BAG2: variants seen among roughly 807,000 people sequenced by gnomAD.
BAG2 encodes BAG cochaperone 2, also known as BAG family molecular chaperone regulator 2.
In BAG2, 8 loss-of-function variants were observed where a neutral mutation model predicts 16.4. The ratio of observed to expected loss-of-function variants is 0.49; its 90% CI spans 0.29 to 0.88. The LOEUF (loss-of-function observed/expected upper bound fraction) is 0.88. BAG2 is among the 40% of genes least tolerant of loss of function. BAG2 has a pLI of 0.09. For missense variants in BAG2, 218 were observed against 248.9 expected, an observed-to-expected ratio of 0.88 and a Z score of 0.84; for synonymous variants, 82 against 89.2, an observed-to-expected ratio of 0.92 and a Z score of 0.46.
rs780308689 is a variant in BAG2, at chr6:57,188,791, T to TTAA, written c.*4603_*4605dup. The TTAA allele has an allele frequency of 8.5e-5, 13 of 152,312 alleles. No homozygotes were observed. The highest frequency in any genetic ancestry group is 2.1e-4 in the South Asian group (1 of 4,828). The allele number at this position is 152,312 out of a possible 1,614,324, so 9.4% of individuals were successfully genotyped here. ...ATAATGAAAAGCAAAAATTTACTTT[T>TTAA]TAATTTTTTTTATTTTTCCATCTAA... is the stretch of plus-strand genomic sequence containing the variant. On this transcript the variant is annotated 3_prime_UTR_variant, in exon 3 of 3. Coordinates refer to ENST00000370693, the MANE Select transcript of BAG2 (RefSeq NM_004282.4).
chr6:57,182,807 C>G (rs979422761), intron 2 of BAG2, among the ~76,000 whole-genome samples: 1 of 152,014 alleles, frequency 6.6e-6, no homozygotes, highest in Non-Finnish European at 1.5e-5. Context: ...CGTGCCACCA[C>G]GCCTGGCTAA....
At position 57,183,992 on chromosome 6, in the gene BAG2, G is replaced by A. The variant is rs978025395; in HGVS notation, c.438G>A (p.Val146=). The change falls in exon 3 of 3, where the codon GTG becomes GTA. Residue 146 remains valine (V), a synonymous_variant. Coordinates refer to ENST00000370693, the MANE Select transcript of BAG2 (RefSeq NM_004282.4). The part of the protein sequence containing the change: ...MSLYSACSSE[V]PHGPVDQKFQ... Reference sequence around the variant, plus strand: ...TCTACAGTGCATGTTCATCTGAGGTGCCACATGGGCCAGTTGATCAGAAGT... The same window carrying A: ...TCTACAGTGCATGTTCATCTGAGGTACCACATGGGCCAGTTGATCAGAAGT... 1 of 1,612,602 alleles carries A rather than the reference G, an allele frequency of 6.2e-7. No individual in the cohort carries two copies. Among genetic ancestry groups the A allele is most frequent in the Non-Finnish European group, 8.5e-7 (1 of 1,179,614 alleles).
rs1056934246 is a variant in BAG2 at position 57,188,281 on chromosome 6, C to CTAAT, written c.*4094_*4097dup. The CTAAT allele has an allele frequency of 3.9e-4, 60 of 152,036 alleles. No individual in the cohort carries two copies. Among genetic ancestry groups the CTAAT allele is most frequent in the African/African-American group, 1.4e-3 (59 of 41,490 alleles). The allele number at this position is 152,036 out of a possible 1,614,324, so 9.4% of individuals were successfully genotyped here. ...AGGCCTACTTAATTATTTTAAATGA[C>CTAAT]TAATTATGGTTAGGTTTAAAATACA... On this transcript the variant is annotated 3_prime_UTR_variant, in exon 3 of 3. Coordinates refer to ENST00000370693, the MANE Select transcript of BAG2 (RefSeq NM_004282.4).
chr6:57,183,628 A>G lies in BAG2; in HGVS notation c.224-150A>G, dbSNP rs1466425362. On this transcript the variant is annotated intron_variant, in intron 2 of 2. Transcript: ENST00000370693. The stretch of plus-strand genomic sequence containing the variant: ...ACAACCTCTTTCTGTAATCTAATAC[A>G]TTTCATCAGTTAATCTTACATGCTA... 1.1e-5 allele frequency: 7 copies of G among 610,232 alleles called. No homozygotes were observed. The Admixed American group carries it at 1.7e-4, about 15-fold the overall frequency. The allele number at this position is 610,232 out of a possible 1,614,324, so 37.8% of individuals were successfully genotyped here.
chr6:57,182,247 CCA>C (rs1434119157), intron 2 of BAG2, 106 bp downstream of exon 2: 2 of 802,092 alleles, frequency 2.5e-6, no homozygotes, highest in African/African-American at 3.4e-5. Flanking sequence ...GTACACCAGG[CCA>C]CAGCATTTAA....
At chr6:57,173,917 G>A (rs537544912) in intron 1 of BAG2, 1 of 154,660 alleles carries the variant, frequency 6.5e-6, no homozygotes, top group African/African-American at 2.4e-5. Flanking sequence ...CAATAACCAC[G>A]GTATCTCTTA....
In BAG2 at chr6:57,172,549, C is replaced by G; in HGVS notation, c.-149C>G. ...TTTGGCTACGCTGCAGCCGCGGTGT[C>G]GGCGAGTCCTCCCGGGTTGCCCCCG... On this transcript the variant is annotated 5_prime_UTR_variant, in exon 1 of 3. Transcript: ENST00000370693. 2 of 579,334 alleles carry G rather than the reference C, an allele frequency of 3.5e-6. No individual in the cohort carries two copies. Among genetic ancestry groups the G allele is most frequent in the South Asian group, 3.5e-5 (1 of 28,586 alleles). 35.9% of individuals were successfully genotyped at this position (579,334 alleles called of 1,614,324 possible).
Position 57,187,226 on chromosome 6 carries a change from T to C in BAG2, c.*3036T>C, listed in dbSNP as rs1764635483. On this transcript the variant is annotated 3_prime_UTR_variant, in exon 3 of 3. Coordinates refer to ENST00000370693, the MANE Select transcript of BAG2 (RefSeq NM_004282.4). ...GCTTTTAAAAGACCATTTACTAACA[T>C]CCTACTGTAGATATTTCGAGAGACA... 1 of 152,144 alleles carries C rather than the reference T, an allele frequency of 6.6e-6. No homozygotes were observed. The highest frequency in any genetic ancestry group is 2.1e-4 in the South Asian group (1 of 4,832). The allele number at this position is 152,144 out of a possible 1,614,324, so 9.4% of individuals were successfully genotyped here.
intron 1 of BAG2, among the ~76,000 whole-genome samples, chr6:57,178,765 TAAAAA>T (rs71795171): frequency 0.12 from 17,463 of 149,812 alleles, 1,191 homozygotes; most frequent in African/African-American, 0.18. Flanking sequence ...TATTATGTAT[TAAAAA>T]AAGCCTTGTG....
At chr6:57,182,182 C>G in intron 2 of BAG2, 41 bp downstream of exon 2, 1 of 1,553,842 alleles carries the variant, frequency 6.4e-7, no homozygotes. Flanking sequence ...CTTTTACACT[C>G]CTTTAAAGAG....
intron 2 of BAG2, among the ~76,000 whole-genome samples, chr6:57,183,189 G>A (rs961443009): frequency 2.6e-5 from 4 of 152,224 alleles, no homozygotes; most frequent in African/African-American, 9.6e-5. Context: ...GAATTAGGAA[G>A]TTACAGAAGC....
chr6:57,186,575 C>CAAAGT lies in BAG2; in HGVS notation c.*2387_*2391dup, dbSNP rs1275193955. 2 of 152,226 alleles carry CAAAGT rather than the reference C, an allele frequency of 1.3e-5. No homozygotes were observed. Among genetic ancestry groups the CAAAGT allele is most frequent in the Non-Finnish European group, 2.9e-5 (2 of 68,076 alleles). The allele number at this position is 152,226 out of a possible 1,614,324, so 9.4% of individuals were successfully genotyped here. On this transcript the variant is annotated 3_prime_UTR_variant, in exon 3 of 3. Transcript: ENST00000370693. ...TTGTGATCTGCCTGCCTTGGCCTCC[C>CAAAGT]AAAGTACAGGGATTACAGGCATGAG... is the stretch of plus-strand genomic sequence containing the variant.
chr6:57,179,739 C>T (rs570164175), intron 1 of BAG2, among the ~76,000 whole-genome samples: 1 of 152,072 alleles, frequency 6.6e-6, no homozygotes, highest in South Asian at 2.1e-4. Flanking sequence ...TTATTTTGCC[C>T]TTATTCCACA....
intron 1 of BAG2, 176 bp downstream of exon 1, chr6:57,172,986 T>A: frequency 1.5e-6 from 1 of 689,648 alleles, no homozygotes; most frequent in African/African-American, 1.9e-5. Flanking sequence ...TTTGTTTGTT[T>A]CTTGGATTAT....
chr6:57,188,531 A>AAAAG lies in BAG2; in HGVS notation c.*4343_*4346dup, dbSNP rs1764700947. 1 of 152,298 alleles carries AAAAG rather than the reference A, an allele frequency of 6.6e-6. No individual in the cohort carries two copies. The highest frequency in any genetic ancestry group is 1.5e-5 in the Non-Finnish European group (1 of 68,002). The allele number at this position is 152,298 out of a possible 1,614,324, so 9.4% of individuals were successfully genotyped here. A position where few individuals can be genotyped will look rare whatever the true frequency, so the allele number is the denominator to read the frequency against. On this transcript the variant is annotated 3_prime_UTR_variant, in exon 3 of 3. Transcript: ENST00000370693. ...AAGTGATTTTTCTGCCAATAAAGAC[A>AAAAG]AAAGACTATTTGTTGCAAAGTATTA...
In BAG2 at chr6:57,188,735, T is replaced by C. The variant is rs1451122160; in HGVS notation, c.*4545T>C. ...CATAAAAATAAGCATTTTACATTAC[T>C]GTGAAATAGATAATGCCAGATCATT... On this transcript the variant is annotated 3_prime_UTR_variant, in exon 3 of 3. Transcript: ENST00000370693. The C allele has an allele frequency of 6.6e-6, 1 of 152,206 alleles. No individual in the cohort carries two copies. Among genetic ancestry groups the C allele is most frequent in the African/African-American group, 2.4e-5 (1 of 41,466 alleles). The allele number at this position is 152,206 out of a possible 1,614,324, so 9.4% of individuals were successfully genotyped here. A position where few individuals can be genotyped will look rare whatever the true frequency, so the allele number is the denominator to read the frequency against.
At position 57,172,716 on chromosome 6, in the gene BAG2, A is replaced by T. The variant is rs777608616; in HGVS notation, c.19A>T (p.Asn7Tyr). Reference protein sequence around the residue: MAQAKINAKANEGRFCR... With the variant: MAQAKIYAKANEGRFCR... ...GGCTTAGATGGCTCAGGCGAAGATC[A>T]ACGCTAAAGCCAACGAGGGGCGCTT... Residue 7 changes from asparagine to tyrosine, a missense_variant, in exon 1 of 3, where the codon AAC (asparagine) becomes TAC (tyrosine). This residue lies in a region of BAG2 where 75 missense variants were observed against 63.1 expected (regional missense o/e 1.19). Coordinates refer to ENST00000370693, the MANE Select transcript of BAG2 (RefSeq NM_004282.4). 9 of 1,574,504 alleles carry T rather than the reference A, an allele frequency of 5.7e-6. No homozygotes were observed. Among genetic ancestry groups the T allele is most frequent in the Non-Finnish European group, 7.7e-6 (9 of 1,163,362 alleles).
rs1407857299 is a variant in BAG2, at chr6:57,184,319, A to G, written c.*129A>G. 4.9e-6 allele frequency: 4 copies of G among 819,854 alleles called. No individual in the cohort carries two copies. The highest frequency in any genetic ancestry group is 6.8e-6 in the Non-Finnish European group (4 of 588,564). The allele number at this position is 819,854 out of a possible 1,614,324, so 50.8% of individuals were successfully genotyped here. On this transcript the variant is annotated 3_prime_UTR_variant, in exon 3 of 3. Transcript: ENST00000370693. Reference sequence around the variant, plus strand: ...CACTGATAGTTGTTTCAGATGAGGAAAATATTCCATCAAGTATCTTCAGTT... The same window carrying G: ...CACTGATAGTTGTTTCAGATGAGGAGAATATTCCATCAAGTATCTTCAGTT...
chr6:57,188,649 A>C lies in BAG2; in HGVS notation c.*4459A>C, dbSNP rs1209736785. The C allele has an allele frequency of 1.3e-5, 2 of 152,192 alleles. No homozygotes were observed. The highest frequency in any genetic ancestry group is 1.3e-4 in the Admixed American group (2 of 15,276). 9.4% of individuals were successfully genotyped at this position (152,192 alleles called of 1,614,324 possible). The stretch of plus-strand genomic sequence containing the variant: ...TAGCAGTATCCACTGTTTGTTAGGA[A>C]CTGAATTTTGCCCCCAAAACCTATG... On this transcript the variant is annotated 3_prime_UTR_variant, in exon 3 of 3. Coordinates refer to ENST00000370693, the MANE Select transcript of BAG2 (RefSeq NM_004282.4).
Sources: allele counts gnomAD v4.1 joint callset (sites outside exome capture counted in the v4.1 genomes callset), GRCh38; gene constraint gnomAD v4.1.1; regional missense constraint gnomAD v4.1.1; transcripts MANE v1.5; gene names NCBI Gene and HGNC (gene_info 2026-07-23, HGNC 2026-07-21).